Variants in OSCP1 observed in about 807,000 individuals in gnomAD.
OSCP1 encodes protein OSCP1.
Under a neutral mutation model 45.1 loss-of-function variants are expected in OSCP1, and 35 were observed. The observed-to-expected ratio is 0.78, with a 90% confidence interval of 0.59 to 1.03. The LOEUF (loss-of-function observed/expected upper bound fraction) is 1.03. Among genes scored for constraint, OSCP1 ranks in the 50% least tolerant of loss-of-function variants. The pLI, the probability that OSCP1 is intolerant of heterozygous loss-of-function variation, is 0.00. For synonymous variants in OSCP1, 179 were observed against 180.1 expected, an observed-to-expected ratio of 0.99 and a Z score of 0.05; for missense variants, 400 against 470.7, an observed-to-expected ratio of 0.85 and a Z score of 1.39.
At chr1:36,426,693 C>T (rs903900605) in intron 4 of OSCP1, among the ~76,000 whole-genome samples, 3 of 152,082 alleles carry the variant, frequency 2.0e-5, no homozygotes, top group Admixed American at 6.6e-5. Flanking sequence ...CCTTCCTTCT[C>T]GCCTGCTGTA....
At chr1:36,444,487 T>C (rs1649386043) in intron 1 of OSCP1, among the ~76,000 whole-genome samples, 1 of 152,190 alleles carries the variant, frequency 6.6e-6, no homozygotes, top group South Asian at 2.1e-4. Flanking sequence ...TTTTTATTAA[T>C]GTAAGATTTC....
chr1:36,420,699 T>G, intron 7 of OSCP1, 84 bp from the exon 8 acceptor site: 92 of 1,499,408 alleles, frequency 6.1e-5, no homozygotes, highest in Non-Finnish European at 7.4e-5. Context: ...GTAGGTATTA[T>G]AAAATAAGGT....
intron 8 of OSCP1, among the ~76,000 whole-genome samples, chr1:36,419,934 T>G (rs1647506196): frequency 6.6e-6 from 1 of 151,788 alleles, no homozygotes. Context: ...TGCCTCAACC[T>G]CGTGGGTAGC....
At chr1:36,432,345 A>T in intron 3 of OSCP1, 77 bp downstream of exon 3, 2 of 1,507,178 alleles carry the variant, frequency 1.3e-6, no homozygotes, top group South Asian at 2.4e-5. Flanking sequence ...TCTCTCTGTC[A>T]TAGATCTACC....
chr1:36,427,298 C>A (rs1427613451), intron 4 of OSCP1, among the ~76,000 whole-genome samples: 2 of 40,080 alleles, frequency 5.0e-5, no homozygotes, highest in Non-Finnish European at 1.0e-4. Context: ...TGGCGCCTGG[C>A]CTTTTTTTTT....
Position 36,418,222 on chromosome 1 carries a change from T to A in OSCP1, c.1057A>T (p.Met353Leu), listed in dbSNP as rs2124770726. 1 of 1,614,170 alleles carries A rather than the reference T, an allele frequency of 6.2e-7. No homozygotes were observed. Among genetic ancestry groups the A allele is most frequent in the African/African-American group, 1.3e-5 (1 of 75,052 alleles). Residue 353 changes from methionine (M) to leucine (L), a missense_variant, in exon 10 of 10, where the codon ATG becomes TTG. Met to Leu is a conservative substitution (Grantham distance 15). Transcript: ENST00000235532. The stretch of plus-strand genomic sequence containing the variant: ...TGCTCCGTGATCTCAAACTCCCCCA[T>A]GATTCGAGCCAGCTCCTCGCTCCGT... ...QQRSEELARI[M>L]GEFEITEQPR...
chr1:36,420,386 A>G, intron 8 of OSCP1, 90 bp downstream of exon 8: 7 of 1,413,208 alleles, frequency 5.0e-6, no homozygotes, highest in Middle Eastern at 2.0e-4. Flanking sequence ...ACAAATATTT[A>G]TAAGTGCCAC....
intron 2 of OSCP1, among the ~76,000 whole-genome samples, chr1:36,433,599 G>A (rs1648521976): frequency 6.6e-6 from 1 of 152,210 alleles, no homozygotes; most frequent in African/African-American, 2.4e-5. Context: ...TCAGGATCAC[G>A]CAATATACCC....
intron 4 of OSCP1, among the ~76,000 whole-genome samples, chr1:36,425,452 C>T (rs1011536995): frequency 1.3e-5 from 2 of 151,678 alleles, no homozygotes; most frequent in African/African-American, 4.8e-5. Context: ...AAAGTAAAGC[C>T]GGCTGGGTAC....
chr1:36,446,989 T>C (rs1292141644), intron 1 of OSCP1, among the ~76,000 whole-genome samples: 2 of 152,166 alleles, frequency 1.3e-5, no homozygotes, highest in African/African-American at 4.8e-5. Flanking sequence ...AGAGGCTGCG[T>C]TGTGGGGGAA....
chr1:36,445,808 A>G (rs59368860), intron 1 of OSCP1, among the ~76,000 whole-genome samples: 15,634 of 151,456 alleles, frequency 0.1, 960 homozygotes, highest in East Asian at 0.3. Context: ...TCCACTTCCC[A>G]GGTTCAAGCG....
rs1647469888 is a variant in OSCP1, at chr1:36,419,267, A to G, written c.960-213T>C. On this transcript the variant is annotated intron_variant, in intron 8 of 9. Coordinates refer to ENST00000235532, the MANE Select transcript of OSCP1 (RefSeq NM_145047.5). ...GACTTTGCACATTATAAGCCCTGCC[A>G]AGAATGTTTCTTCCCTTCCTCTGCT... The G allele has an allele frequency of 2.5e-5, 14 of 549,994 alleles. No individual in the cohort carries two copies. The South Asian group carries it at 2.8e-4, about 11-fold the overall frequency. The allele number at this position is 549,994 out of a possible 1,614,324, so 34.1% of individuals were successfully genotyped here. A position where few individuals can be genotyped will look rare whatever the true frequency, so the allele number is the denominator to read the frequency against.
At chr1:36,420,242 C>T (rs1647535122) in intron 8 of OSCP1, 1 of 407,364 alleles carries the variant, frequency 2.5e-6, no homozygotes. Flanking sequence ...TCCCAAAGTG[C>T]TGGGACTACG....
chr1:36,429,385 CAAAA>C (rs57925548), intron 4 of OSCP1, among the ~76,000 whole-genome samples: 7 of 127,416 alleles, frequency 5.5e-5, no homozygotes, highest in Admixed American at 1.6e-4. Context: ...GAACCTGTCT[CAAAA>C]AAAAAAAAAA....
chr1:36,430,717 C>T (rs914457318), intron 4 of OSCP1, among the ~76,000 whole-genome samples: 31 of 152,142 alleles, frequency 2.0e-4, no homozygotes, highest in Admixed American at 1.8e-3. Flanking sequence ...TGCAGTGGTG[C>T]GATCCCGGCT....
intron 4 of OSCP1, among the ~76,000 whole-genome samples, chr1:36,423,936 T>A (rs1031038550): frequency 1.4e-5 from 2 of 145,376 alleles, no homozygotes; most frequent in African/African-American, 4.9e-5. Flanking sequence ...TTAACTGTAT[T>A]TTAACAAACA....
intron 4 of OSCP1, among the ~76,000 whole-genome samples, chr1:36,427,926 G>A (rs944023044): frequency 1.3e-5 from 2 of 151,890 alleles, no homozygotes; most frequent in Admixed American, 6.6e-5. Flanking sequence ...TGTGGCTCGC[G>A]CCTATAATTC....
intron 1 of OSCP1, chr1:36,444,032 A>G: frequency 1.2e-6 from 2 of 1,613,486 alleles, no homozygotes; most frequent in Non-Finnish European, 1.7e-6. Flanking sequence ...CTGTCCATTC[A>G]TCTACATGAA....
At chr1:36,422,594 G>A (rs888210352) in intron 6 of OSCP1, among the ~76,000 whole-genome samples, 174 bp downstream of exon 6, 5 of 152,096 alleles carry the variant, frequency 3.3e-5, no homozygotes, top group East Asian at 1.9e-4. Flanking sequence ...TATGTTTGGC[G>A]TTCCTGGGTG....
Sources: allele counts gnomAD v4.1 joint callset (sites outside exome capture counted in the v4.1 genomes callset), GRCh38; gene constraint gnomAD v4.1.1; transcripts MANE v1.5; gene names NCBI Gene and HGNC (gene_info 2026-07-23, HGNC 2026-07-21).